KCNU1: variants seen among roughly 807,000 people sequenced by gnomAD.
The protein encoded by KCNU1 is potassium calcium-activated channel subfamily U member 1, also known as potassium channel subfamily U member 1.
A neutral mutation model predicts 126.8 loss-of-function variants in KCNU1; 93 were observed. The ratio of observed to expected loss-of-function variants is 0.73; its 90% CI spans 0.62 to 0.87. The LOEUF is 0.87. Ranked by LOEUF, KCNU1 falls within the 40% of genes least tolerant of loss-of-function variation. The pLI, the probability that KCNU1 is intolerant of heterozygous loss-of-function variation, is 0.00. For synonymous variants in KCNU1, 523 were observed against 494.2 expected (o/e 1.06, Z -0.77); for missense variants, 1,330 against 1,367.1 (o/e 0.97, Z 0.43).
At chr8:36,857,568 A>G (rs1805570500) in intron 18 of KCNU1, among the ~76,000 whole-genome samples, 1 of 152,082 alleles carries the variant, frequency 6.6e-6, no homozygotes, top group Non-Finnish European at 1.5e-5. Context: ...GATTTAGTAT[A>G]TTTTATTGAA....
At chr8:36,898,321 C>A (rs1482586480) in intron 19 of KCNU1, among the ~76,000 whole-genome samples, 2 of 152,022 alleles carry the variant, frequency 1.3e-5, no homozygotes, top group Non-Finnish European at 2.9e-5. Flanking sequence ...AACACGTGCA[C>A]CTCACACCAG....
chr8:36,834,943 C>A, intron 12 of KCNU1, 75 bp downstream of exon 12: 3 of 931,006 alleles, frequency 3.2e-6, no homozygotes, highest in South Asian at 1.5e-5. Context: ...GGTACATAAG[C>A]ATAAAAAGGA....
At chr8:36,803,333 A>G (rs957452870) in intron 2 of KCNU1, among the ~76,000 whole-genome samples, 1 of 152,230 alleles carries the variant, frequency 6.6e-6, no homozygotes, top group East Asian at 1.9e-4. Context: ...GTTGGAAACT[A>G]GAAATAACTG....
chr8:36,816,944 AAACAAC>A (rs148967490), intron 9 of KCNU1, among the ~76,000 whole-genome samples: 42 of 151,780 alleles, frequency 2.8e-4, no homozygotes, highest in African/African-American at 8.7e-4. Context: ...AGAAAAAAAC[AAACAAC>A]AACAACAACA....
At chr8:36,898,674 C>G (rs1392140948) in intron 19 of KCNU1, among the ~76,000 whole-genome samples, 1 of 151,996 alleles carries the variant, frequency 6.6e-6, no homozygotes, top group East Asian at 1.9e-4. Flanking sequence ...TTGTTCAGGT[C>G]CTTGTCCAAT....
chr8:36,874,374 C>A (rs920820758), intron 19 of KCNU1, among the ~76,000 whole-genome samples: 2 of 152,120 alleles, frequency 1.3e-5, no homozygotes, highest in African/African-American at 4.8e-5. Context: ...TCTGTGGGGG[C>A]AGTCCTTATG....
chr8:36,883,781 A>C, intron 19 of KCNU1, among the ~76,000 whole-genome samples: 1 of 152,124 alleles, frequency 6.6e-6, no homozygotes. Context: ...GCAGAGCCAG[A>C]CCCTGTCTCA....
At chr8:36,803,781 C>T (rs575745998) in intron 2 of KCNU1, among the ~76,000 whole-genome samples, 26 of 152,068 alleles carry the variant, frequency 1.7e-4, no homozygotes, top group East Asian at 9.7e-4. Context: ...CTGAAGTGTG[C>T]GCAAGTTAAA....
rs561059322 is a variant in KCNU1 at position 36,832,762 on chromosome 8, A to T, written c.1107-792A>T. Among the ~76,000 whole-genome samples, 104 of 151,458 alleles carry T rather than the reference A, an allele frequency of 6.9e-4. 1 individual carries two copies. The highest frequency in any genetic ancestry group is 2.5e-3 in the African/African-American group (103 of 41,304). On this transcript the variant is annotated intron_variant, in intron 10 of 26. Coordinates refer to ENST00000399881, the MANE Select transcript of KCNU1 (RefSeq NM_001031836.3). ...TATTCTTGTTTTCATCATTTCTTTT[A>T]TTTTTATTTCCTTGATCCTATTCTA... is the stretch of plus-strand genomic sequence containing the variant.
At chr8:36,811,184 T>G (rs1443990803) in intron 7 of KCNU1, among the ~76,000 whole-genome samples, 1 of 152,156 alleles carries the variant, frequency 6.6e-6, no homozygotes, top group Non-Finnish European at 1.5e-5. Flanking sequence ...TTCAACCTAC[T>G]GTAAATATCA....
At chr8:36,922,986 A>T (rs1401397191) in intron 24 of KCNU1, 1 of 470,492 alleles carries the variant, frequency 2.1e-6, no homozygotes, top group South Asian at 1.5e-5. Context: ...CAAACAGCTC[A>T]TGTGGAAATT....
chr8:36,784,479 C>G lies in KCNU1; in HGVS notation c.69C>G (p.Ile23Met). ...DLPKMSCTTE[I>M]QAAFILSSFV... is the part of the protein sequence containing the mutation. ...CAAAAATGTCCTGCACAACTGAGAT[C>G]CAAGCAGCATTCATTCTCTCTTCCT... The change falls in exon 1 of 27, where the codon ATC (isoleucine) becomes ATG (methionine). Residue 23 changes from isoleucine to methionine, a missense_variant. Around this residue, in one of 3 missense-constraint regions of KCNU1, gnomAD observed 247 missense variants for 255.4 expected, o/e 0.97. Coordinates refer to ENST00000399881, the MANE Select transcript of KCNU1 (RefSeq NM_001031836.3). 1 of 1,613,882 alleles carries G rather than the reference C, an allele frequency of 6.2e-7. No individual in the cohort carries two copies. The highest frequency in any genetic ancestry group is 1.3e-5 in the African/African-American group (1 of 75,022).
rs1585370336 is a variant in KCNU1 at position 36,787,296 on chromosome 8, T to C, written c.196-10T>C. 3 of 1,601,294 alleles carry C rather than the reference T, an allele frequency of 1.9e-6. No individual in the cohort carries two copies. The highest frequency in any genetic ancestry group is 2.6e-6 in the Non-Finnish European group (3 of 1,173,096). On this transcript the variant is annotated splice_polypyrimidine_tract_variant and intron_variant, in intron 1 of 26. Transcript: ENST00000399881. The stretch of plus-strand genomic sequence containing the variant: ...AGCTCACATTGTCAATTTCTTTCTC[T>C]TGATTGTAGGAACTGTTCACATCAG...
Position 36,846,934 on chromosome 8 carries a change from CCTT to C in KCNU1, c.1891+1041_1891+1043del, listed in dbSNP as rs372705030. ...TTCATCCCTGAGGTTCTTGTTCTCT[CCTT>C]CTTCTCAGAATGCTATTTAAATGCA... On this transcript the variant is annotated intron_variant, in intron 18 of 26. Coordinates refer to ENST00000399881, the MANE Select transcript of KCNU1 (RefSeq NM_001031836.3). Among the ~76,000 whole-genome samples, 397 of 152,262 alleles carry C rather than the reference CCTT, an allele frequency of 2.6e-3. 1 individual carries two copies. The highest frequency in any genetic ancestry group is 6.8e-3 in the Middle Eastern group (2 of 294).
chr8:36,911,116 T>G lies in KCNU1; in HGVS notation c.2518T>G (p.Ser840Ala). The G allele has an allele frequency of 6.2e-7, 1 of 1,611,224 alleles. No homozygotes were observed. Among genetic ancestry groups the G allele is most frequent in the Non-Finnish European group, 8.5e-7 (1 of 1,177,906 alleles). ...DSSSDPSPSV[S>A]EETPGYTNGH... ...CTCCTCTGACCCGTCACCCTCAGTGTCAGGTGAGAACAGCACCCCTGAAAA... is the reference window on the plus strand; with the variant it reads ...CTCCTCTGACCCGTCACCCTCAGTGGCAGGTGAGAACAGCACCCCTGAAAA... The change falls in exon 22 of 27, where the codon TCA becomes GCA. Residue 840 changes from serine (S) to alanine (A), a missense_variant. Around this residue, in one of 3 missense-constraint regions of KCNU1, gnomAD observed 1,054 missense variants for 1,053.9 expected, o/e 1.00. Transcript: ENST00000399881.
chr8:36,807,455 A>G lies in KCNU1; in HGVS notation c.656+5A>G, dbSNP rs775400243. 2.5e-6 allele frequency: 4 copies of G among 1,605,374 alleles called. No homozygotes were observed. In the East Asian group the frequency reaches 8.9e-5, roughly 36 times the overall value. On this transcript the variant is annotated splice_donor_5th_base_variant and intron_variant, in intron 6 of 26. Coordinates refer to ENST00000399881, the MANE Select transcript of KCNU1 (RefSeq NM_001031836.3). ...TCTACGAGCCATCAAGACCAGGTAA[A>G]TAGCCCTGACCGAAGTACTGCTTAC... is the stretch of plus-strand genomic sequence containing the variant.
intron 19 of KCNU1, among the ~76,000 whole-genome samples, chr8:36,867,733 C>T (rs1209968482): frequency 1.3e-5 from 2 of 152,132 alleles, no homozygotes; most frequent in African/African-American, 2.4e-5. Flanking sequence ...TTCTTTAGCA[C>T]AGCTGTAAAA....
chr8:36,914,711 GC>G (rs1190094857), intron 22 of KCNU1, among the ~76,000 whole-genome samples: 1 of 152,096 alleles, frequency 6.6e-6, no homozygotes, highest in Non-Finnish European at 1.5e-5. Flanking sequence ...TCTAATTACT[GC>G]CCTGTCACAT....
Position 36,899,250 on chromosome 8 carries a change from C to CACTCTGATCTTGGGTCT in KCNU1, c.2010-6456_2010-6440dup, listed in dbSNP as rs1448500365. On this transcript the variant is annotated intron_variant, in intron 19 of 26. Transcript: ENST00000399881. Reference sequence around the variant, plus strand: ...AGTCTTGCCTCACCTGGGCTGGGGCCACTCTGATCTTGGGTCTAACTTCTA... The same window carrying CACTCTGATCTTGGGTCT: ...AGTCTTGCCTCACCTGGGCTGGGGCCACTCTGATCTTGGGTCTACTCTGATCTTGGGTCTAACTTCTA... Among the ~76,000 whole-genome samples, 5 of 151,916 alleles carry CACTCTGATCTTGGGTCT rather than the reference C, an allele frequency of 3.3e-5. No homozygotes were observed. In the East Asian group the frequency reaches 9.8e-4, roughly 30 times the overall value.
Sources: gnomAD v4.1 joint callset for allele counts (sites outside exome capture counted in the v4.1 genomes callset) on GRCh38, gnomAD v4.1.1 for gene constraint, gnomAD v4.1.1 regional missense constraint, MANE v1.5 for transcripts, NCBI Gene and HGNC (gene_info 2026-07-23, HGNC 2026-07-21) for gene names.